The following ARMH4 variants were observed in gnomAD, a reference collection of about 807,000 sequenced individuals.
ARMH4 encodes armadillo-like helical domain-containing protein 4.
ARMH4 carries 49 observed loss-of-function variants against 61.9 expected under a neutral mutation model. The observed-to-expected ratio is 0.79, with a 90% CI of 0.63 to 1.00. The LOEUF is 1.00. Ranked by LOEUF, ARMH4 falls within the 50% of genes least tolerant of loss-of-function variation. ARMH4 has a pLI of 0.00. For synonymous variants in ARMH4, 368 were observed against 341.5 expected (o/e 1.08, Z -0.85); for missense variants, 934 against 930.0 (o/e 1.00, Z -0.06).
chr14:58,148,231 G>A (rs1321425454), intron 1 of ARMH4, among the ~76,000 whole-genome samples: 1 of 152,142 alleles, frequency 6.6e-6, no homozygotes, highest in Non-Finnish European at 1.5e-5. Flanking sequence ...ATTCTTAGTA[G>A]AAATGGGGTT....
At chr14:58,085,866 T>A (rs1413524006) in intron 5 of ARMH4, among the ~76,000 whole-genome samples, 1 of 152,158 alleles carries the variant, frequency 6.6e-6, no homozygotes, top group Non-Finnish European at 1.5e-5. Flanking sequence ...TACAGGGCAT[T>A]AAAGAAACAA....
chr14:58,127,927 A>G (rs528848051), intron 4 of ARMH4, among the ~76,000 whole-genome samples: 6 of 152,312 alleles, frequency 3.9e-5, no homozygotes, highest in African/African-American at 1.4e-4. Context: ...TTATATTCTT[A>G]TCTCCCATAT....
intron 5 of ARMH4, among the ~76,000 whole-genome samples, chr14:58,043,760 T>G (rs1370945903): frequency 6.6e-6 from 1 of 152,162 alleles, no homozygotes; most frequent in Non-Finnish European, 1.5e-5. Context: ...AGCAAAGTGT[T>G]AGGATACAAA....
chr14:58,076,613 A>T (rs1215310689), intron 5 of ARMH4, among the ~76,000 whole-genome samples: 5 of 152,186 alleles, frequency 3.3e-5, no homozygotes, highest in African/African-American at 9.7e-5. Flanking sequence ...TAAACTACTG[A>T]ATTTTATTAT....
At position 58,133,204 on chromosome 14, in the gene ARMH4, G is replaced by C; in HGVS notation, c.1507C>G (p.Pro503Ala). The change falls in exon 3 of 8, where the codon CCT becomes GCT. Residue 503 changes from proline (P) to alanine (A), a missense_variant. By Grantham distance (27) the Pro-to-Ala change is conservative. Transcript: ENST00000267485. ...GTAACACCAGGAACGTCAGACACAG[G>C]AGAGGGGTCCTCCTTTTCTTCCTCA... ...KTEEEKEDPSPVSDVPGVTQL... is the reference protein window; with the variant it reads ...KTEEEKEDPSAVSDVPGVTQL... 2.5e-6 allele frequency: 4 copies of C among 1,614,156 alleles called. No homozygotes were observed. Among genetic ancestry groups the C allele is most frequent in the Non-Finnish European group, 3.4e-6 (4 of 1,180,026 alleles).
At chr14:58,038,533 C>A (rs1244223785) in intron 5 of ARMH4, among the ~76,000 whole-genome samples, 2 of 113,132 alleles carry the variant, frequency 1.8e-5, no homozygotes, top group Admixed American at 8.9e-5. Flanking sequence ...GCACATGTAC[C>A]CTAAAATTTA....
chr14:58,072,177 G>T (rs567898637), intron 5 of ARMH4, among the ~76,000 whole-genome samples: 29 of 152,286 alleles, frequency 1.9e-4, no homozygotes, highest in Middle Eastern at 3.4e-3. Flanking sequence ...CTAAAGCCTA[G>T]CAAGTCCCTC....
At chr14:58,087,587 C>A (rs1447247632) in intron 5 of ARMH4, among the ~76,000 whole-genome samples, 2 of 152,156 alleles carry the variant, frequency 1.3e-5, no homozygotes, top group African/African-American at 4.8e-5. Context: ...CCACAGCTGA[C>A]CTGGGCAAAG....
chr14:58,110,847 A>G (rs1886331831), intron 4 of ARMH4, among the ~76,000 whole-genome samples: 1 of 151,960 alleles, frequency 6.6e-6, no homozygotes, highest in African/African-American at 2.4e-5. Flanking sequence ...TCAGCCTCCC[A>G]AGTAGTTGGA....
chr14:58,090,165 TATA>T (rs745957413), intron 5 of ARMH4, among the ~76,000 whole-genome samples: 4 of 152,144 alleles, frequency 2.6e-5, no homozygotes, highest in Middle Eastern at 3.2e-3. Context: ...TAAAGACAGC[TATA>T]ATAATTCTCA....
At chr14:58,127,844 A>C (rs1886954241) in intron 4 of ARMH4, among the ~76,000 whole-genome samples, 1 of 152,126 alleles carries the variant, frequency 6.6e-6, no homozygotes, top group Non-Finnish European at 1.5e-5. Flanking sequence ...TCCAAATATT[A>C]AGGGAAGAAG....
intron 2 of ARMH4, 48 bp from the exon 3 acceptor site, chr14:58,133,389 T>A (rs2180520): frequency 0.46 from 601,319 of 1,315,072 alleles, 95,564 homozygotes; most frequent in Non-Finnish European, 0.49. Context: ...CCTATTTTTT[T>A]AAAAAAAAAA....
At chr14:58,108,998 A>G (rs1886259008) in intron 4 of ARMH4, among the ~76,000 whole-genome samples, 1 of 151,928 alleles carries the variant, frequency 6.6e-6, no homozygotes, top group Non-Finnish European at 1.5e-5. Flanking sequence ...TCATCTTTCT[A>G]TTGGGCTGTC....
intron 1 of ARMH4, 119 bp from the exon 2 acceptor site, chr14:58,139,533 T>C (rs12100853): frequency 0.035 from 22,192 of 636,312 alleles, 575 homozygotes; most frequent in African/African-American, 0.11. Flanking sequence ...AGATGGTAGG[T>C]AGGAGAGGAC....
chr14:58,048,076 T>C (rs926633750), intron 5 of ARMH4, among the ~76,000 whole-genome samples: 6 of 152,204 alleles, frequency 3.9e-5, no homozygotes, highest in Admixed American at 2.0e-4. Flanking sequence ...TTAGCTCCAG[T>C]GGAATCCTGC....
chr14:58,059,064 T>C (rs178487), intron 5 of ARMH4, among the ~76,000 whole-genome samples: 98,939 of 152,088 alleles, frequency 0.65, 33,284 homozygotes, highest in African/African-American at 0.82. Flanking sequence ...AATCTTATGA[T>C]AAGAATCTTT....
chr14:58,101,049 G>T, intron 4 of ARMH4: 1 of 175,264 alleles, frequency 5.7e-6, no homozygotes. Context: ...CTGTGTAGTG[G>T]GCACCTCATT....
chr14:58,063,688 A>T (rs139423757), intron 5 of ARMH4, among the ~76,000 whole-genome samples: 4 of 151,476 alleles, frequency 2.6e-5, no homozygotes, highest in African/African-American at 9.7e-5. Flanking sequence ...TTTGCCAGGA[A>T]CACTTTGGTA....
At chr14:58,030,086 T>C (rs1883172892) in intron 5 of ARMH4, among the ~76,000 whole-genome samples, 1 of 152,186 alleles carries the variant, frequency 6.6e-6, no homozygotes, top group Non-Finnish European at 1.5e-5. Flanking sequence ...AACATTACAC[T>C]AAGTGAATGA....
Sources: allele counts gnomAD v4.1 joint callset (sites outside exome capture counted in the v4.1 genomes callset), GRCh38; gene constraint gnomAD v4.1.1; transcripts MANE v1.5; gene names NCBI Gene and HGNC (gene_info 2026-07-23, HGNC 2026-07-21).